Variants in GAK observed in about 807,000 individuals in gnomAD.
GAK encodes cyclin G associated kinase, also known as cyclin-G-associated kinase.
In GAK, 79 loss-of-function variants were observed where a neutral mutation model predicts 143.9. That is an observed-to-expected ratio of 0.55 (90% CI 0.46 to 0.66). The LOEUF (loss-of-function observed/expected upper bound fraction) is 0.66. Ranked by LOEUF, GAK falls within the 30% of genes least tolerant of loss-of-function variation. GAK has a pLI of 0.00. For missense variants in GAK, 1,693 were observed against 1,779.7 expected, an observed-to-expected ratio of 0.95 and a Z score of 0.88; for synonymous variants, 881 against 765.5, an observed-to-expected ratio of 1.15 and a Z score of -2.49.
chr4:898,085 T>C lies in GAK; in HGVS notation c.599A>G (p.His200Arg). 3 of 1,614,178 alleles carry C rather than the reference T, an allele frequency of 1.9e-6. No individual in the cohort carries two copies. The highest frequency in any genetic ancestry group is 1.1e-5 in the South Asian group (1 of 91,082). ...GGCGCTCCAGCTGTAGTCAGGGTAG[T>C]GCGAGATGGTCGTGGCACTGCCAAA... ...CDFGSATTIS[H>R]YPDYSWSAQR... Residue 200 changes from histidine to arginine, a missense_variant, in exon 6 of 28, where the codon CAC becomes CGC. By Grantham distance (29) the His-to-Arg change is conservative. This residue lies in a region of GAK where 871 missense variants were observed against 991.0 expected (regional missense o/e 0.88). Coordinates refer to ENST00000314167, the MANE Select transcript of GAK (RefSeq NM_005255.4).
intron 1 of GAK, among the ~76,000 whole-genome samples, chr4:923,417 C>T (rs1026196279): frequency 6.6e-6 from 1 of 152,180 alleles, no homozygotes; most frequent in East Asian, 1.9e-4. Flanking sequence ...ACCTGCAATC[C>T]CAGCACTTTG....
intron 8 of GAK, 112 bp from the exon 9 acceptor site, chr4:893,601 T>A: frequency 1.3e-6 from 1 of 773,394 alleles, no homozygotes; most frequent in Non-Finnish European, 2.0e-6. Context: ...CACACATCAG[T>A]GACGTCAGAA....
chr4:898,007 C>T (rs1719134887), intron 6 of GAK, 26 bp downstream of exon 6: 2 of 1,598,868 alleles, frequency 1.3e-6, no homozygotes, highest in South Asian at 2.2e-5. Flanking sequence ...GCCAGCTTCC[C>T]CCAGCATAGG....
intron 27 of GAK, 56 bp from the exon 28 acceptor site, chr4:849,830 C>CGGGGGGGGG: frequency 8.5e-7 from 1 of 1,172,354 alleles, no homozygotes; most frequent in Non-Finnish European, 1.2e-6. Context: ...GCGGGCGGGG[C>CGGGGGGGGG]AGGACCCCCC....
At chr4:850,232 A>G in intron 26 of GAK, 164 bp from the exon 27 acceptor site, 6 of 618,244 alleles carry the variant, frequency 9.7e-6, no homozygotes, top group Non-Finnish European at 1.6e-5. Context: ...TCAACTATAT[A>G]GAGCCCACTC....
At chr4:897,033 C>T (rs748543624) in intron 6 of GAK, among the ~76,000 whole-genome samples, 4 of 152,226 alleles carry the variant, frequency 2.6e-5, no homozygotes, top group Admixed American at 1.3e-4. Context: ...CACAAACACA[C>T]GGAGGCACTT....
chr4:870,778 C>T lies in GAK; in HGVS notation c.2181G>A (p.Met727Ile). The T allele has an allele frequency of 5.0e-6, 8 of 1,614,180 alleles. No individual in the cohort carries two copies. The highest frequency in any genetic ancestry group is 6.8e-6 in the Non-Finnish European group (8 of 1,180,028). The change falls in exon 19 of 28, where the codon ATG becomes ATA. Residue 727 changes from methionine to isoleucine, a missense_variant. Around this residue, in one of 2 missense-constraint regions of GAK, gnomAD observed 822 missense variants for 788.7 expected, o/e 1.04. Coordinates refer to ENST00000314167, the MANE Select transcript of GAK (RefSeq NM_005255.4). ...REAPPWENSS[M>I]RGLNPKILFS... ...ACAGGATTTTGGGGTTCAGCCCCCT[C>T]ATGCTCGAGTTCTCCCATGGTGGGG...
At chr4:915,193 CGGCCCCGTGCACTCAGCCCCAGCGTACAT>C (rs1157802640) in intron 1 of GAK, among the ~76,000 whole-genome samples, 57 of 150,382 alleles carry the variant, frequency 3.8e-4, no homozygotes, top group African/African-American at 1.1e-3. Context: ...CCAGCATACA[CGGCCCCGTGCACTCAGCCCCAGCGTACAT>C]GGCCCCCCGC....
intron 24 of GAK, among the ~76,000 whole-genome samples, chr4:858,122 G>A (rs1334955173): frequency 1.3e-5 from 2 of 152,240 alleles, no homozygotes; most frequent in Non-Finnish European, 2.9e-5. Context: ...GTGTGGAGGA[G>A]GCTCCCACGG....
intron 23 of GAK, among the ~76,000 whole-genome samples, chr4:863,572 C>T (rs901057724): frequency 2.0e-5 from 3 of 152,200 alleles, no homozygotes; most frequent in Admixed American, 1.3e-4. Flanking sequence ...CACAGCCACC[C>T]CAGCCTTCAG....
intron 15 of GAK, among the ~76,000 whole-genome samples, chr4:879,386 CT>C (rs1714637750): frequency 6.6e-6 from 1 of 152,210 alleles, no homozygotes; most frequent in Admixed American, 6.5e-5. Flanking sequence ...CTGTTTCCTA[CT>C]TGTTTGATCT....
intron 5 of GAK, among the ~76,000 whole-genome samples, chr4:902,431 C>A (rs545481890): frequency 9.2e-4 from 139 of 151,246 alleles, no homozygotes; most frequent in African/African-American, 3.3e-3. Context: ...ATGGTGAAAC[C>A]CCATTTCTAC....
At chr4:900,492 C>T (rs1577231670) in intron 5 of GAK, among the ~76,000 whole-genome samples, 1 of 152,126 alleles carries the variant, frequency 6.6e-6, no homozygotes, top group Non-Finnish European at 1.5e-5. Flanking sequence ...TTCTGTTCTC[C>T]TTAAAATACA....
intron 4 of GAK, among the ~76,000 whole-genome samples, chr4:910,775 A>G (rs910611214): frequency 7.3e-5 from 11 of 151,146 alleles, no homozygotes; most frequent in Admixed American, 2.6e-4. Flanking sequence ...AGGGGTCACT[A>G]GTGTCACCAC....
At chr4:868,853 C>G in intron 19 of GAK, 168 bp from the exon 20 acceptor site, 1 of 670,158 alleles carries the variant, frequency 1.5e-6, no homozygotes, top group Non-Finnish European at 2.5e-6. Flanking sequence ...TGAACAGATT[C>G]CTGCTATCCA....
chr4:932,231 C>T lies in GAK; in HGVS notation c.-44G>A, dbSNP rs556340025. 58 of 1,486,732 alleles carry T rather than the reference C, an allele frequency of 3.9e-5. No individual in the cohort carries two copies. The East Asian group carries it at 1.4e-3, about 35-fold the overall frequency. The allele number at this position is 1,486,732 out of a possible 1,614,324, so 92.1% of individuals were successfully genotyped here. A position where few individuals can be genotyped will look rare whatever the true frequency, so the allele number is the denominator to read the frequency against. ...CCCCGCGGCAGCCGGAGTGGTCGGG[C>T]TCGGGCTCCCGCTCCCTCGCCGTCC... On this transcript the variant is annotated 5_prime_UTR_variant, in exon 1 of 28. Coordinates refer to ENST00000314167, the MANE Select transcript of GAK (RefSeq NM_005255.4). This position sits in a 1 kb window ranked among gnomAD's most constrained non-coding sequence, Gnocchi z 4.0.
intron 24 of GAK, among the ~76,000 whole-genome samples, chr4:856,862 A>G (rs1012793899): frequency 6.6e-6 from 1 of 152,130 alleles, no homozygotes; most frequent in African/African-American, 2.4e-5. Context: ...GGTGTGAGCC[A>G]CTCCGCCTGG....
At chr4:931,922 G>C in intron 1 of GAK, 121 bp downstream of exon 1, 2 of 745,200 alleles carry the variant, frequency 2.7e-6, no homozygotes. Flanking sequence ...CCTGACCCAC[G>C]ATCCCGCTGG....
At chr4:898,288 G>GCAGCC in intron 5 of GAK, 130 bp from the exon 6 acceptor site, 1 of 1,024,194 alleles carries the variant, frequency 9.8e-7, no homozygotes, top group Non-Finnish European at 1.4e-6. Context: ...ACGGCTGCCG[G>GCAGCC]GTGCCTGCAG....
Sources: gnomAD v4.1 joint callset for allele counts (sites outside exome capture counted in the v4.1 genomes callset) on GRCh38, gnomAD v4.1.1 for gene constraint, gnomAD v4.1.1 regional missense constraint, Gnocchi (gnomAD v3.1) non-coding constraint, MANE v1.5 for transcripts, NCBI Gene and HGNC (gene_info 2026-07-23, HGNC 2026-07-21) for gene names.